Variants in DGKB observed in about 807,000 individuals in gnomAD.
DGKB encodes 90 kDa diacylglycerol kinase.
In DGKB, 67 loss-of-function variants were observed where a neutral mutation model predicts 114.3. The ratio of observed to expected loss-of-function variants is 0.59; its 90% CI spans 0.48 to 0.72. DGKB has a LOEUF of 0.72. DGKB is among the 30% of genes least tolerant of loss of function. The probability of loss-of-function intolerance (pLI) is 0.00; values close to 1 mark genes in which losing one functional copy is unlikely to be tolerated. For synonymous variants in DGKB, 398 were observed against 323.1 expected (o/e 1.23, Z -2.49); for missense variants, 907 against 975.2 (o/e 0.93, Z 0.93).
At chr7:14,754,396 G>A (rs1044241097) in intron 3 of DGKB, among the ~76,000 whole-genome samples, 1 of 152,022 alleles carries the variant, frequency 6.6e-6, no homozygotes, top group Non-Finnish European at 1.5e-5. Context: ...CTATATAAAG[G>A]TATATTAGAT....
At chr7:14,239,611 A>G (rs1793345449) in intron 23 of DGKB, among the ~76,000 whole-genome samples, 1 of 152,040 alleles carries the variant, frequency 6.6e-6, no homozygotes, top group African/African-American at 2.4e-5. Context: ...AGGATAGGAA[A>G]AAAGAGAGTA....
intron 1 of DGKB, among the ~76,000 whole-genome samples, chr7:14,926,844 C>T (rs1256512449): frequency 6.6e-6 from 1 of 151,832 alleles, no homozygotes; most frequent in African/African-American, 2.4e-5. Flanking sequence ...GCTCATTTTC[C>T]TTTAAAATTT....
intron 21 of DGKB, among the ~76,000 whole-genome samples, chr7:14,357,992 T>G (rs1420118875): frequency 6.6e-6 from 1 of 152,176 alleles, no homozygotes; most frequent in East Asian, 1.9e-4. Flanking sequence ...CCTTTGTGGG[T>G]AACCCGACCT....
chr7:14,888,404 A>T (rs137875488), intron 1 of DGKB, among the ~76,000 whole-genome samples: 1 of 151,868 alleles, frequency 6.6e-6, no homozygotes, highest in African/African-American at 2.4e-5. Context: ...CTTACTGGGC[A>T]TCTTAAATCC....
chr7:14,933,544 C>A (rs761586961), intron 1 of DGKB, among the ~76,000 whole-genome samples: 1 of 152,128 alleles, frequency 6.6e-6, no homozygotes, highest in Non-Finnish European at 1.5e-5. Flanking sequence ...TATTGTTGTG[C>A]TAATTGCATC....
At chr7:14,610,300 C>T (rs769407870) in intron 16 of DGKB, among the ~76,000 whole-genome samples, 12 of 151,826 alleles carry the variant, frequency 7.9e-5, no homozygotes, top group South Asian at 2.1e-4. Context: ...ATGTACTGCA[C>T]GAAATGTTAA....
intron 13 of DGKB, among the ~76,000 whole-genome samples, chr7:14,646,971 G>C (rs762878436): frequency 1.3e-4 from 19 of 151,380 alleles, no homozygotes; most frequent in African/African-American, 4.6e-4. Context: ...AAATAATAAA[G>C]ATCAAAGCAG....
chr7:14,178,022 G>A lies in DGKB; in HGVS notation c.2243+9C>T. 6.5e-7 allele frequency: 1 copy of A among 1,542,656 alleles called. No homozygotes were observed. Among genetic ancestry groups the A allele is most frequent in the East Asian group, 2.4e-5 (1 of 41,864 alleles). On this transcript the variant is annotated intron_variant, in intron 24 of 25. Transcript: ENST00000402815. ...CAAACGCCTTTGTCAGTTACAGAAA[G>A]GGAACTACCTGATGACCACGCAGGA... is the stretch of plus-strand genomic sequence containing the variant.
intron 23 of DGKB, among the ~76,000 whole-genome samples, chr7:14,314,192 CAGAAAAACTGG>C (rs1806007265): frequency 6.6e-6 from 1 of 152,100 alleles, no homozygotes; most frequent in Admixed American, 6.5e-5. Flanking sequence ...AAAAACAGAA[CAGAAAAACTGG>C]AAACTCTAAA....
At chr7:14,820,692 C>T (rs989497615) in intron 2 of DGKB, among the ~76,000 whole-genome samples, 31 of 152,164 alleles carry the variant, frequency 2.0e-4, no homozygotes, top group Non-Finnish European at 3.8e-4. Context: ...TTCATGTAAG[C>T]GTGTTATATA....
At chr7:14,236,992 T>G (rs1009435279) in intron 23 of DGKB, among the ~76,000 whole-genome samples, 1 of 151,996 alleles carries the variant, frequency 6.6e-6, no homozygotes, top group Non-Finnish European at 1.5e-5. Context: ...TAAATCAATC[T>G]GGCATATTAA....
intron 4 of DGKB, among the ~76,000 whole-genome samples, chr7:14,745,673 A>C (rs1329036317): frequency 6.6e-6 from 1 of 152,172 alleles, no homozygotes. Context: ...GAGGAGCCTG[A>C]CCTCTTCAGC....
At chr7:14,376,971 CCA>C (rs1338660474) in intron 21 of DGKB, among the ~76,000 whole-genome samples, 3 of 152,150 alleles carry the variant, frequency 2.0e-5, no homozygotes, top group Admixed American at 6.5e-5. Context: ...TACTGCAAGG[CCA>C]CATTGTGGAC....
chr7:14,713,559 A>G (rs952310787), intron 6 of DGKB, among the ~76,000 whole-genome samples: 14 of 152,010 alleles, frequency 9.2e-5, no homozygotes, highest in African/African-American at 3.4e-4. Flanking sequence ...AGCCCTATAA[A>G]GTAGCTCAGA....
At chr7:14,315,254 A>C (rs1376392964) in intron 23 of DGKB, among the ~76,000 whole-genome samples, 1 of 150,796 alleles carries the variant, frequency 6.6e-6, no homozygotes, top group Non-Finnish European at 1.5e-5. Context: ...CTAACATCAT[A>C]ATGACAGCAT....
At chr7:14,734,725 T>G (rs1831451255) in intron 5 of DGKB, among the ~76,000 whole-genome samples, 1 of 152,176 alleles carries the variant, frequency 6.6e-6, no homozygotes, top group South Asian at 2.1e-4. Flanking sequence ...GGTAGTGGTT[T>G]GATTCTTGTT....
chr7:14,846,288 G>A (rs1041877890), intron 1 of DGKB, among the ~76,000 whole-genome samples: 2 of 152,200 alleles, frequency 1.3e-5, no homozygotes, highest in African/African-American at 4.8e-5. Context: ...TCTAGTGTAA[G>A]CCATTGGTTT....
intron 2 of DGKB, among the ~76,000 whole-genome samples, chr7:14,831,139 C>G (rs1334115599): frequency 6.6e-6 from 1 of 151,708 alleles, no homozygotes; most frequent in Non-Finnish European, 1.5e-5. Flanking sequence ...ATCTGAGAAC[C>G]TAGTCATAGG....
At chr7:14,496,317 G>A (rs1380236981) in intron 20 of DGKB, among the ~76,000 whole-genome samples, 1 of 151,608 alleles carries the variant, frequency 6.6e-6, no homozygotes, top group Non-Finnish European at 1.5e-5. Context: ...AACCTCAGTG[G>A]CATATTAAAA....
Sources: allele counts gnomAD v4.1 joint callset (sites outside exome capture counted in the v4.1 genomes callset), GRCh38; gene constraint gnomAD v4.1.1; transcripts MANE v1.5; gene names NCBI Gene and HGNC (gene_info 2026-07-23, HGNC 2026-07-21).